The following RPL4 variants were observed in gnomAD, a reference collection of about 807,000 sequenced individuals.
RPL4 encodes the protein ribosomal protein L4.
RPL4 carries 3 observed loss-of-function variants against 47.7 expected under a neutral mutation model. The observed-to-expected ratio is 0.06, with a 90% CI of 0.03 to 0.16. The LOEUF is 0.16. RPL4 is among the 10% of genes least tolerant of loss of function. The pLI, the probability that RPL4 is intolerant of heterozygous loss-of-function variation, is 1.00. For missense variants in RPL4, 413 were observed against 551.3 expected (o/e 0.75, Z 2.51); for synonymous variants, 208 against 182.1 (o/e 1.14, Z -1.15).
chr15:66,502,986 A>T, intron 3 of RPL4, 72 bp downstream of exon 3: 1 of 1,432,842 alleles, frequency 7.0e-7, no homozygotes, highest in African/African-American at 1.4e-5. Context: ...CCGTATTATC[A>T]TCAATAAACC....
rs956212107 is a variant in RPL4 at position 66,498,580 on chromosome 15, C to A, written c.*827G>T. The A allele has an allele frequency of 2.0e-5, 3 of 152,238 alleles. No homozygotes were observed. Among genetic ancestry groups the A allele is most frequent in the African/African-American group, 7.2e-5 (3 of 41,442 alleles). 9.4% of individuals were successfully genotyped at this position (152,238 alleles called of 1,614,324 possible). On this transcript the variant is annotated 3_prime_UTR_variant, in exon 10 of 10. Coordinates refer to ENST00000307961, the MANE Select transcript of RPL4 (RefSeq NM_000968.4). ...CAGTTGGTTAACATAATCACCAAGACACACAGGCAGTCCTGAAAAATGCTT... is the reference window on the plus strand; with the variant it reads ...CAGTTGGTTAACATAATCACCAAGAAACACAGGCAGTCCTGAAAAATGCTT...
In RPL4 at chr15:66,503,467, G is replaced by C; in HGVS notation, c.66C>G (p.Val22=). The change falls in exon 2 of 10, where the codon GTC becomes GTG. Residue 22 remains valine (V), a synonymous_variant. Transcript: ENST00000307961. The part of the protein sequence containing the change: ...SEKGESSGKN[V]TLPAVFKAPI... ...GAGCCTTGAATACAGCAGGCAAAGT[G>C]ACATTTTTGCCAGATGACTCCCCCT... 6.2e-7 allele frequency: 1 copy of C among 1,611,570 alleles called. No individual in the cohort carries two copies. Among genetic ancestry groups the C allele is most frequent in the Non-Finnish European group, 8.5e-7 (1 of 1,177,916 alleles).
chr15:66,503,399 C>T lies in RPL4; in HGVS notation c.134G>A (p.Arg45His), dbSNP rs1244366791. ...AGCATAGGGCTGTCTGTTGTTTTTG[C>T]GCAAGTTGGTGTGAACAAAGTTCAC... is the stretch of plus-strand genomic sequence containing the variant. The part of the protein sequence containing the change: ...DIVNFVHTNL[R>H]KNNRQPYAVS... The change falls in exon 2 of 10, where the codon CGC becomes CAC. Residue 45 changes from arginine to histidine, a missense_variant. Physicochemically the swap from Arg to His is conservative, Grantham distance 29. Transcript: ENST00000307961. 5 of 1,609,550 alleles carry T rather than the reference C, an allele frequency of 3.1e-6. No homozygotes were observed. Among genetic ancestry groups the T allele is most frequent in the Non-Finnish European group, 3.4e-6 (4 of 1,176,294 alleles).
rs1292136097 is a variant in RPL4 at position 66,499,183 on chromosome 15, T to A, written c.*224A>T. ...TTTTTTTAAATCATTCCCCTTCCAC[T>A]GAACTCCATGGACTTAGTATAAATC... On this transcript the variant is annotated 3_prime_UTR_variant, in exon 10 of 10. Coordinates refer to ENST00000307961, the MANE Select transcript of RPL4 (RefSeq NM_000968.4). The A allele has an allele frequency of 2.1e-6, 1 of 478,860 alleles. No individual in the cohort carries two copies. The highest frequency in any genetic ancestry group is 3.6e-6 in the Non-Finnish European group (1 of 276,262). 29.7% of individuals were successfully genotyped at this position (478,860 alleles called of 1,614,324 possible). A position where few individuals can be genotyped will look rare whatever the true frequency, so the allele number is the denominator to read the frequency against.
In RPL4 at chr15:66,499,569, C is replaced by CT. The variant is rs1328131706; in HGVS notation, c.1121dup (p.Lys375GlufsTer6). 6.2e-7 allele frequency: 1 copy of CT among 1,613,800 alleles called. No individual in the cohort carries two copies. The highest frequency in any genetic ancestry group is 1.3e-5 in the African/African-American group (1 of 74,908). ...TTCCTTTCTTACCTACCACAGGCTT[C>CT]TTGCCTGCAACCGCCGCCTTCTCAT... On this transcript the variant is annotated frameshift_variant, in exon 10 of 10. Coordinates refer to ENST00000307961, the MANE Select transcript of RPL4 (RefSeq NM_000968.4). LOFTEE classifies it low-confidence loss of function (END_TRUNC).
intron 1 of RPL4, among the ~76,000 whole-genome samples, chr15:66,504,447 G>C (rs556472776): frequency 2.6e-5 from 4 of 152,180 alleles, no homozygotes; most frequent in Non-Finnish European, 5.9e-5. Flanking sequence ...AAGAGAACCA[G>C]AAAGCTTTTA....
At chr15:66,503,852 G>A (rs36116789) in intron 1 of RPL4, among the ~76,000 whole-genome samples, 8,560 of 152,168 alleles carry the variant, frequency 0.056, 344 homozygotes, top group Middle Eastern at 0.11. Context: ...GTCTACCCGG[G>A]CTCTACTCAT....
Position 66,500,877 on chromosome 15 carries a change from A to G in RPL4, c.833+72T>C, listed in dbSNP as rs1030364410. On this transcript the variant is annotated intron_variant, in intron 7 of 9. Coordinates refer to ENST00000307961, the MANE Select transcript of RPL4 (RefSeq NM_000968.4). ...GGGGAAATGGGAATAAATTTAGAAA[A>G]CATGTAAGCCAATTCTGAATGTTAA... The G allele has an allele frequency of 7.2e-6, 11 of 1,528,484 alleles. No individual in the cohort carries two copies. The East Asian group carries it at 2.5e-4, about 35-fold the overall frequency. The allele number at this position is 1,528,484 out of a possible 1,614,324, so 94.7% of individuals were successfully genotyped here. A position where few individuals can be genotyped will look rare whatever the true frequency, so the allele number is the denominator to read the frequency against.
In RPL4 at chr15:66,499,553, T is replaced by C. The variant is rs1174117971; in HGVS notation, c.1138A>G (p.Lys380Glu). The C allele has an allele frequency of 2.5e-6, 4 of 1,613,716 alleles. No homozygotes were observed. Among genetic ancestry groups the C allele is most frequent in the Non-Finnish European group, 3.4e-6 (4 of 1,179,858 alleles). The change falls in exon 10 of 10, where the codon AAG becomes GAG. Residue 380 changes from lysine to glutamate, a missense_variant. This residue lies in a region of RPL4 where 134 missense variants were observed against 122.7 expected (regional missense o/e 1.09). Coordinates refer to ENST00000307961, the MANE Select transcript of RPL4 (RefSeq NM_000968.4). Reference sequence around the variant, plus strand: ...CCAACAGCAGCCTTCTTTCCTTTCTTACCTACCACAGGCTTCTTGCCTGCA... The same window carrying C: ...CCAACAGCAGCCTTCTTTCCTTTCTCACCTACCACAGGCTTCTTGCCTGCA... Reference protein sequence around the residue: ...AVAGKKPVVGKKGKKAAVGVK... With the variant: ...AVAGKKPVVGEKGKKAAVGVK...
rs763834786 is a variant in RPL4, at chr15:66,501,399, T to G, written c.652A>C (p.Ile218Leu). Residue 218 changes from isoleucine to leucine, a missense_variant, in exon 6 of 10, where the codon ATC becomes CTC. By Grantham distance (5) the Ile-to-Leu change is conservative (BLOSUM62 2). This residue lies in a region of RPL4 where 214 missense variants were observed against 304.2 expected (regional missense o/e 0.70). Transcript: ENST00000307961. ...CCAGGGATGTTTCTGAAGGCCTTGATGATACCATTATCCTCATTATAGATG... is the reference window on the plus strand; with the variant it reads ...CCAGGGATGTTTCTGAAGGCCTTGAGGATACCATTATCCTCATTATAGATG... ...CIIYNEDNGI[I>L]KAFRNIPGIT... The G allele has an allele frequency of 3.7e-6, 6 of 1,614,182 alleles. No individual in the cohort carries two copies. Among genetic ancestry groups the G allele is most frequent in the Non-Finnish European group, 5.1e-6 (6 of 1,180,026 alleles).
chr15:66,500,809 A>G, intron 7 of RPL4, 140 bp downstream of exon 7: 1 of 1,008,492 alleles, frequency 9.9e-7, no homozygotes, highest in Non-Finnish European at 1.4e-6. Context: ...CCAAAAATAT[A>G]GACCAGGTGA....
intron 4 of RPL4, 107 bp from the exon 5 acceptor site, chr15:66,502,019 C>G (rs1387647572): frequency 7.1e-7 from 1 of 1,402,922 alleles, no homozygotes. Flanking sequence ...ATTCCGTTTG[C>G]CAAGTCAGAA....
chr15:66,499,927 A>G (rs372913844), intron 9 of RPL4, 129 bp downstream of exon 9: 21 of 1,205,314 alleles, frequency 1.7e-5, no homozygotes, highest in East Asian at 1.2e-4. Context: ...GGAGGCTGAG[A>G]CAGAAGAACT....
rs12910977 is a variant in RPL4, at chr15:66,498,518, A to G, written c.*889T>C. The G allele has an allele frequency of 0.056, 8,560 of 152,208 alleles. 340 individuals are homozygous for G. Among genetic ancestry groups the G allele is most frequent in the Middle Eastern group, 0.11 (32 of 296 alleles). 9.4% of individuals were successfully genotyped at this position (152,208 alleles called of 1,614,324 possible). The stretch of plus-strand genomic sequence containing the variant: ...TTTATGGGTAAAAAAAAACACCCTT[A>G]TATCTGGAGGCATTTCATGGGTACT... On this transcript the variant is annotated 3_prime_UTR_variant, in exon 10 of 10. Coordinates refer to ENST00000307961, the MANE Select transcript of RPL4 (RefSeq NM_000968.4).
chr15:66,501,669 C>G, intron 5 of RPL4, 119 bp downstream of exon 5: 1 of 1,515,070 alleles, frequency 6.6e-7, no homozygotes, highest in South Asian at 1.3e-5. Flanking sequence ...TAATCGGGCT[C>G]TGAGGTTCTT....
At position 66,503,464 on chromosome 15, in the gene RPL4, A is replaced by G; in HGVS notation, c.69T>C (p.Thr23=). Residue 23 remains threonine (T), a synonymous_variant, in exon 2 of 10, where the codon ACT becomes ACC. Coordinates refer to ENST00000307961, the MANE Select transcript of RPL4 (RefSeq NM_000968.4). The part of the protein sequence containing the change: ...EKGESSGKNV[T]LPAVFKAPIR... ...TAGGAGCCTTGAATACAGCAGGCAA[A>G]GTGACATTTTTGCCAGATGACTCCC... 1.2e-6 allele frequency: 2 copies of G among 1,612,188 alleles called. No homozygotes were observed. The highest frequency in any genetic ancestry group is 1.7e-6 in the Non-Finnish European group (2 of 1,178,426).
In RPL4 at chr15:66,500,754, C is replaced by T. The variant is rs79518025; in HGVS notation, c.833+195G>A. The T allele has an allele frequency of 7.0e-4, 451 of 644,422 alleles. 6 individuals are homozygous for T. The South Asian group carries it at 8.5e-3, about 12-fold the overall frequency. 39.9% of individuals were successfully genotyped at this position (644,422 alleles called of 1,614,324 possible). On this transcript the variant is annotated intron_variant, in intron 7 of 9. Coordinates refer to ENST00000307961, the MANE Select transcript of RPL4 (RefSeq NM_000968.4). ...CCACGATCACACCACTACACTCCAG[C>T]GTGGGTGAGACAGAACAACTCTGTC... is the stretch of plus-strand genomic sequence containing the variant.
In RPL4 at chr15:66,500,983, A is replaced by T. The variant is rs774406252; in HGVS notation, c.799T>A (p.Trp267Arg). Residue 267 changes from tryptophan to arginine, a missense_variant, in exon 7 of 10, where the codon TGG becomes AGG. Transcript: ENST00000307961. ...FRKLDELYGT[W>R]RKAASLKSNY... is the part of the protein sequence containing the mutation. ...CTCTTGAGGGAAGCGGCTTTACGCC[A>T]AGTGCCGTACAATTCATCTAACTTC... is the stretch of plus-strand genomic sequence containing the variant. The T allele has an allele frequency of 6.2e-7, 1 of 1,614,046 alleles. No individual in the cohort carries two copies. Among genetic ancestry groups the T allele is most frequent in the East Asian group, 2.2e-5 (1 of 44,894 alleles).
chr15:66,499,468 G>A lies in RPL4; in HGVS notation c.1223C>T (p.Ala408Val), dbSNP rs1893555801. The A allele has an allele frequency of 6.2e-7, 1 of 1,611,908 alleles. No individual in the cohort carries two copies. The highest frequency in any genetic ancestry group is 1.3e-5 in the African/African-American group (1 of 74,934). The change falls in exon 10 of 10, where the codon GCC becomes GTC. Residue 408 changes from alanine (A) to valine (V), a missense_variant. Transcript: ENST00000307961. The part of the protein sequence containing the change: ...GKKAAATKKP[A>V]PEKKPAEKKP... ...CTTCTCTGCAGGCTTCTTTTCAGGGGCTGGTTTCTTGGTAGCTGCTGCCTT... is the reference window on the plus strand; with the variant it reads ...CTTCTCTGCAGGCTTCTTTTCAGGGACTGGTTTCTTGGTAGCTGCTGCCTT...
Sources: gnomAD v4.1 joint callset for allele counts (sites outside exome capture counted in the v4.1 genomes callset) on GRCh38, gnomAD v4.1.1 for gene constraint, gnomAD v4.1.1 regional missense constraint, MANE v1.5 for transcripts, NCBI Gene and HGNC (gene_info 2026-07-23, HGNC 2026-07-21) for gene names.